The following CSMD1 variants were observed in gnomAD, a reference collection of about 807,000 sequenced individuals.
CSMD1 encodes CUB and Sushi multiple domains 1.
Under a neutral mutation model 417.5 loss-of-function variants are expected in CSMD1, and 213 were observed. The ratio of observed to expected loss-of-function variants is 0.51; its 90% CI spans 0.46 to 0.57. The LOEUF (loss-of-function observed/expected upper bound fraction) is 0.57, where lower values mean the gene tolerates loss of function less well. Ranked by LOEUF, CSMD1 falls within the 20% of genes least tolerant of loss-of-function variation. The probability of loss-of-function intolerance (pLI) is 0.00; values close to 1 mark genes in which losing one functional copy is unlikely to be tolerated. For synonymous variants in CSMD1, 2,862 were observed against 1,736.8 expected (o/e 1.65, Z -16.11); for missense variants, 6,923 against 4,529.7 (o/e 1.53, Z -15.17).
At chr8:4,650,008 G>T (rs1803783280) in intron 1 of CSMD1, among the ~76,000 whole-genome samples, 1 of 152,154 alleles carries the variant, frequency 6.6e-6, no homozygotes. Context: ...GAACTTGATT[G>T]ATATTAGAAT....
chr8:3,434,820 G>A (rs1219794581), intron 12 of CSMD1, among the ~76,000 whole-genome samples: 3 of 152,162 alleles, frequency 2.0e-5, no homozygotes, highest in African/African-American at 7.2e-5. Context: ...ATATTTCTAT[G>A]AGTCAGAGTG....
chr8:3,090,383 T>C (rs892302937), intron 48 of CSMD1, among the ~76,000 whole-genome samples: 2 of 148,650 alleles, frequency 1.3e-5, no homozygotes, highest in African/African-American at 5.0e-5. Flanking sequence ...GTTTGCTGAA[T>C]GCAAATCCCA....
At chr8:3,438,751 T>C (rs922031636) in intron 12 of CSMD1, among the ~76,000 whole-genome samples, 2 of 152,144 alleles carry the variant, frequency 1.3e-5, no homozygotes, top group Admixed American at 1.3e-4. Context: ...AACAGAAGCC[T>C]TCACTTCTCT....
intron 6 of CSMD1, among the ~76,000 whole-genome samples, chr8:3,722,568 A>C (rs1049671292): frequency 2.6e-5 from 4 of 152,118 alleles, no homozygotes; most frequent in Non-Finnish European, 5.9e-5. Flanking sequence ...ATGTCTCCAA[A>C]ATACTGCCAT....
intron 9 of CSMD1, among the ~76,000 whole-genome samples, chr8:3,575,822 T>C (rs1800127543): frequency 6.8e-6 from 1 of 146,418 alleles, no homozygotes; most frequent in Admixed American, 7.1e-5. Context: ...ATAATTTAAT[T>C]GGCCTCCAGT....
intron 1 of CSMD1, among the ~76,000 whole-genome samples, chr8:4,707,830 T>C: frequency 7.1e-6 from 1 of 141,804 alleles, no homozygotes; most frequent in Admixed American, 7.5e-5. Flanking sequence ...GAGGTTGCAG[T>C]GAACCAAGAT....
intron 10 of CSMD1, among the ~76,000 whole-genome samples, chr8:3,555,045 G>T (rs10104614): frequency 0.016 from 2,458 of 152,072 alleles, 69 homozygotes; most frequent in African/African-American, 0.056. Context: ...GGAGTCCTCC[G>T]CCAGGGAAGG....
At chr8:3,355,384 C>G (rs531786179) in intron 21 of CSMD1, among the ~76,000 whole-genome samples, 1 of 152,152 alleles carries the variant, frequency 6.6e-6, no homozygotes, top group South Asian at 2.1e-4. Context: ...TGCTCCTGAT[C>G]TTTTGACCAA....
intron 3 of CSMD1, among the ~76,000 whole-genome samples, chr8:4,171,975 C>A (rs1797788178): frequency 2.0e-5 from 3 of 152,104 alleles, no homozygotes; most frequent in Admixed American, 2.0e-4. Context: ...TAATCAGCAT[C>A]CTTCATTTGA....
chr8:3,454,764 T>C (rs1185267403), intron 12 of CSMD1, among the ~76,000 whole-genome samples: 1 of 152,198 alleles, frequency 6.6e-6, no homozygotes, highest in Non-Finnish European at 1.5e-5. Flanking sequence ...TCATCTCTAC[T>C]TTGCTGAATC....
At chr8:4,461,347 G>A (rs1799805008) in intron 2 of CSMD1, among the ~76,000 whole-genome samples, 1 of 151,720 alleles carries the variant, frequency 6.6e-6, no homozygotes, top group African/African-American at 2.4e-5. Context: ...ACAGCATACT[G>A]GAGGTTTTAG....
chr8:4,239,366 C>G (rs1013707703), intron 3 of CSMD1, among the ~76,000 whole-genome samples: 1 of 152,178 alleles, frequency 6.6e-6, no homozygotes, highest in African/African-American at 2.4e-5. Context: ...GCCAATGAAG[C>G]TGTTTTCTCA....
At chr8:4,701,743 T>A (rs1023587902) in intron 1 of CSMD1, among the ~76,000 whole-genome samples, 2 of 148,880 alleles carry the variant, frequency 1.3e-5, no homozygotes, top group African/African-American at 2.5e-5. Context: ...TAAACACTTT[T>A]AAGTGTTACT....
intron 1 of CSMD1, among the ~76,000 whole-genome samples, chr8:4,903,287 C>T (rs754262931): frequency 2.0e-5 from 3 of 152,108 alleles, no homozygotes; most frequent in African/African-American, 7.2e-5. Context: ...TACAGCTGAC[C>T]TTTCTGATTT....
chr8:3,915,112 G>C (rs145131537), intron 5 of CSMD1, among the ~76,000 whole-genome samples: 9 of 152,142 alleles, frequency 5.9e-5, no homozygotes, highest in East Asian at 5.8e-4. Context: ...AGAGTCAAGA[G>C]TTTAGGTAGC....
intron 57 of CSMD1, among the ~76,000 whole-genome samples, chr8:2,970,994 C>A (rs1013057575): frequency 6.6e-5 from 10 of 152,174 alleles, no homozygotes; most frequent in African/African-American, 2.4e-4. Flanking sequence ...CTCCCTCTGT[C>A]TCTCTAAATA....
chr8:4,761,999 G>A (rs1812141003), intron 1 of CSMD1, among the ~76,000 whole-genome samples: 1 of 150,992 alleles, frequency 6.6e-6, no homozygotes, highest in Non-Finnish European at 1.5e-5. Context: ...AAATTAACAT[G>A]GAAAACTCAA....
intron 10 of CSMD1, among the ~76,000 whole-genome samples, chr8:3,510,372 T>C (rs1797013586): frequency 6.6e-6 from 1 of 151,850 alleles, no homozygotes; most frequent in Non-Finnish European, 1.5e-5. Flanking sequence ...AGAAAGCACA[T>C]GGGTACTTGA....
intron 7 of CSMD1, among the ~76,000 whole-genome samples, chr8:3,661,642 A>G (rs1461501542): frequency 2.6e-5 from 4 of 152,028 alleles, no homozygotes; most frequent in Non-Finnish European, 5.9e-5. Context: ...CATTACAGGT[A>G]TCCACCATCT....
Sources: allele counts gnomAD v4.1 joint callset (sites outside exome capture counted in the v4.1 genomes callset), GRCh38; gene constraint gnomAD v4.1.1; transcripts MANE v1.5; gene names NCBI Gene and HGNC (gene_info 2026-07-23, HGNC 2026-07-21).